Variants in SKAP1 observed in about 807,000 individuals in gnomAD.
The protein encoded by SKAP1 is src kinase associated phosphoprotein 1.
Under a neutral mutation model 58.5 loss-of-function variants are expected in SKAP1, and 44 were observed. The ratio of observed to expected loss-of-function variants is 0.75; its 90% CI spans 0.59 to 0.97. The LOEUF (loss-of-function observed/expected upper bound fraction) is 0.97. Ranked by LOEUF, SKAP1 falls within the 50% of genes least tolerant of loss-of-function variation. The pLI, the probability that SKAP1 is intolerant of heterozygous loss-of-function variation, is 0.00. For missense variants in SKAP1, 390 were observed against 435.2 expected, an observed-to-expected ratio of 0.90 and a Z score of 0.92; for synonymous variants, 127 against 149.7, an observed-to-expected ratio of 0.85 and a Z score of 1.11.
chr17:48,240,093 T>C lies in SKAP1; in HGVS notation c.281-50593A>G, dbSNP rs149349030. Among the ~76,000 whole-genome samples, 379 of 152,072 alleles carry C rather than the reference T, an allele frequency of 2.5e-3. 1 individual carries two copies. Among genetic ancestry groups the C allele is most frequent in the African/African-American group, 8.5e-3 (354 of 41,472 alleles). Reference sequence around the variant, plus strand: ...TCTGATAAAGATTCTCAGAATCTAATAATGGCCTCTCTGGACTTCTTGTCT... The same window carrying C: ...TCTGATAAAGATTCTCAGAATCTAACAATGGCCTCTCTGGACTTCTTGTCT... On this transcript the variant is annotated intron_variant, in intron 4 of 12. Coordinates refer to ENST00000336915, the MANE Select transcript of SKAP1 (RefSeq NM_003726.4).
the SKAP1 span, among the ~76,000 whole-genome samples, chr17:48,439,230 T>C: frequency 2.6e-5 from 4 of 152,254 alleles, no homozygotes; most frequent in Non-Finnish European, 1.5e-5. Context: ...ATATGTGATA[T>C]TTTGCATCAT....
At chr17:48,213,431 T>C (rs1380850038) in intron 4 of SKAP1, among the ~76,000 whole-genome samples, 3 of 150,098 alleles carry the variant, frequency 2.0e-5, no homozygotes, top group Non-Finnish European at 3.0e-5. Context: ...CAGAAGTACC[T>C]CTATGCAAAG....
intron 4 of SKAP1, among the ~76,000 whole-genome samples, chr17:48,263,040 A>T (rs1295771580): frequency 6.6e-6 from 1 of 152,200 alleles, no homozygotes; most frequent in Non-Finnish European, 1.5e-5. Context: ...AAGTTTTTGC[A>T]AATTAATTGT....
intron 11 of SKAP1, among the ~76,000 whole-genome samples, chr17:48,144,989 G>A (rs2063811126): frequency 6.6e-6 from 1 of 152,048 alleles, no homozygotes; most frequent in South Asian, 2.1e-4. Context: ...GTAGGGCTAA[G>A]ATTTAAATTA....
rs76226026 is a variant in SKAP1, at chr17:48,235,204, G to A, written c.281-45704C>T. Among the ~76,000 whole-genome samples, 5 of 152,280 alleles carry A rather than the reference G, an allele frequency of 3.3e-5. No individual in the cohort carries two copies. In the East Asian group the frequency reaches 9.7e-4, roughly 29 times the overall value. On this transcript the variant is annotated intron_variant, in intron 4 of 12. Transcript: ENST00000336915. ...GGAAAAGTGGGGAATATCTGGTATT[G>A]TTGATATATAAAAGGGGAATGAGCA... is the stretch of plus-strand genomic sequence containing the variant.
chr17:48,168,593 G>T (rs1320686464), intron 10 of SKAP1, among the ~76,000 whole-genome samples: 1 of 152,226 alleles, frequency 6.6e-6, no homozygotes, highest in Non-Finnish European at 1.5e-5. Flanking sequence ...GGAGGCAGAG[G>T]TTGCAGTGAG....
the SKAP1 span, among the ~76,000 whole-genome samples, chr17:48,440,337 T>A: frequency 6.6e-6 from 1 of 152,192 alleles, no homozygotes; most frequent in Non-Finnish European, 1.5e-5. Flanking sequence ...CAGTTCCCTC[T>A]GCCCCAGAGC....
chr17:48,413,805 G>A (rs1031041452), intron 1 of SKAP1, among the ~76,000 whole-genome samples: 3 of 152,076 alleles, frequency 2.0e-5, no homozygotes, highest in African/African-American at 7.2e-5. Context: ...TCCTGTAAGT[G>A]TAACACCCAG....
chr17:48,306,434 A>T (rs778828232), intron 4 of SKAP1, among the ~76,000 whole-genome samples: 9 of 152,146 alleles, frequency 5.9e-5, no homozygotes, highest in Non-Finnish European at 1.2e-4. Context: ...ATCCACTCCC[A>T]GTTGGTCACT....
chr17:48,326,268 G>A (rs1019915881), intron 4 of SKAP1, among the ~76,000 whole-genome samples: 3 of 152,046 alleles, frequency 2.0e-5, no homozygotes, highest in Admixed American at 6.5e-5. Context: ...GTTTTAGTAT[G>A]GGCCAGACTA....
intron 2 of SKAP1, among the ~76,000 whole-genome samples, chr17:48,396,114 C>T (rs905461461): frequency 6.6e-6 from 1 of 152,142 alleles, no homozygotes; most frequent in Admixed American, 6.6e-5. Context: ...TTTCCCCAAG[C>T]AAGTGTTTGC....
chr17:48,194,143 A>G (rs2064590660), intron 4 of SKAP1, among the ~76,000 whole-genome samples: 1 of 152,202 alleles, frequency 6.6e-6, no homozygotes, highest in Non-Finnish European at 1.5e-5. Context: ...CCGTATAAAG[A>G]AAAGATTCAC....
chr17:48,333,319 C>T (rs2066528975), intron 4 of SKAP1, among the ~76,000 whole-genome samples: 1 of 152,060 alleles, frequency 6.6e-6, no homozygotes, highest in Admixed American at 6.6e-5. Flanking sequence ...TAAGAAGCAA[C>T]AAAAAGGCTG....
intron 3 of SKAP1, among the ~76,000 whole-genome samples, chr17:48,353,824 G>C (rs2144358100): frequency 6.6e-6 from 1 of 151,454 alleles, no homozygotes; most frequent in African/African-American, 2.4e-5. Context: ...TTAAAACCCA[G>C]GAGGCAGAGG....
At chr17:48,149,360 A>G (rs1389977442) in intron 11 of SKAP1, among the ~76,000 whole-genome samples, 1 of 152,198 alleles carries the variant, frequency 6.6e-6, no homozygotes, top group Admixed American at 6.5e-5. Context: ...GAGGGATGAC[A>G]AGTCACCATG....
upstream of SKAP1, among the ~76,000 whole-genome samples, chr17:48,435,240 T>A (rs564520008): frequency 2.7e-4 from 41 of 152,096 alleles, no homozygotes; most frequent in East Asian, 7.5e-3. Flanking sequence ...TTTTTTTTTT[T>A]AATCTTCTTT....
intron 4 of SKAP1, among the ~76,000 whole-genome samples, chr17:48,264,903 T>C (rs1169312389): frequency 6.6e-6 from 1 of 152,100 alleles, no homozygotes; most frequent in African/African-American, 2.4e-5. Context: ...AAACATCTGT[T>C]TGACTTTCCG....
chr17:48,355,296 G>C (rs2066861173), intron 3 of SKAP1, among the ~76,000 whole-genome samples: 1 of 151,950 alleles, frequency 6.6e-6, no homozygotes. Context: ...TTTTTGTTTT[G>C]AGACAGGGTC....
At chr17:48,366,101 T>C (rs192880604) in intron 2 of SKAP1, among the ~76,000 whole-genome samples, 1 of 152,320 alleles carries the variant, frequency 6.6e-6, no homozygotes, top group Admixed American at 6.5e-5. Context: ...TAATGGTGTG[T>C]CTTCTAGTAC....
Sources: allele counts gnomAD v4.1 joint callset (sites outside exome capture counted in the v4.1 genomes callset), GRCh38; gene constraint gnomAD v4.1.1; transcripts MANE v1.5; gene names NCBI Gene and HGNC (gene_info 2026-07-23, HGNC 2026-07-21).